The following PLEKHH2 variants were observed in gnomAD, a reference collection of about 807,000 sequenced individuals.
The protein encoded by PLEKHH2 is pleckstrin homology domain-containing family H member 2.
A neutral mutation model predicts 187.9 loss-of-function variants in PLEKHH2; 129 were observed. The observed-to-expected ratio is 0.69, with a 90% CI of 0.59 to 0.79. PLEKHH2 has a LOEUF of 0.79. Among genes scored for constraint, PLEKHH2 ranks in the 30% least tolerant of loss-of-function variants. The probability of loss-of-function intolerance (pLI) is 0.00; values close to 1 mark genes in which losing one functional copy is unlikely to be tolerated. For synonymous variants in PLEKHH2, 686 were observed against 605.6 expected, an observed-to-expected ratio of 1.13 and a Z score of -1.95; for missense variants, 2,076 against 1,751.2, an observed-to-expected ratio of 1.19 and a Z score of -3.31.
chr2:43,671,454 T>C (rs200827120), intron 2 of PLEKHH2, among the ~76,000 whole-genome samples: 1 of 152,216 alleles, frequency 6.6e-6, no homozygotes, highest in Non-Finnish European at 1.5e-5. Context: ...CTTTCCAGTA[T>C]ATATGCTTTT....
chr2:43,637,357 G>A lies in PLEKHH2; in HGVS notation c.-26G>A, dbSNP rs991909312. On this transcript the variant is annotated 5_prime_UTR_variant, in exon 1 of 30. Transcript: ENST00000282406. ...CCGGGACATCGGGCGCTGCGGCCGG[G>A]GACCCGCTGCTGAGATAGACAGGTG... 2.0e-5 allele frequency: 3 copies of A among 152,424 alleles called. No individual in the cohort carries two copies. Among genetic ancestry groups the A allele is most frequent in the Non-Finnish European group, 2.9e-5 (2 of 68,204 alleles). The allele number at this position is 152,424 out of a possible 1,614,324, so 9.4% of individuals were successfully genotyped here.
Position 43,699,754 on chromosome 2 carries a change from A to G in PLEKHH2, c.796A>G (p.Arg266Gly). 1.9e-6 allele frequency: 3 copies of G among 1,614,254 alleles called. No homozygotes were observed. Among genetic ancestry groups the G allele is most frequent in the Non-Finnish European group, 2.5e-6 (3 of 1,180,048 alleles). The change falls in exon 8 of 30, where the codon AGA becomes GGA. Residue 266 changes from arginine to glycine, a missense_variant. Physicochemically the swap from Arg to Gly is moderately radical, Grantham distance 125 (BLOSUM62 -2). Transcript: ENST00000282406. ...PCGSEQNRKT[R>G]TSFATDGGIS... is the part of the protein sequence containing the mutation. ...TGGCTCAGAACAGAATCGGAAAACAAGAACAAGCTTTGCCACAGATGGTGG... is the reference window on the plus strand; with the variant it reads ...TGGCTCAGAACAGAATCGGAAAACAGGAACAAGCTTTGCCACAGATGGTGG...
At chr2:43,757,778 TA>T (rs150827095) in intron 26 of PLEKHH2, among the ~76,000 whole-genome samples, 18,951 of 151,002 alleles carry the variant, frequency 0.13, 1,492 homozygotes, top group Non-Finnish European at 0.18. Flanking sequence ...TTTCTTTAAT[TA>T]AAAAAAAAGG....
chr2:43,733,171 G>T (rs537774440), intron 19 of PLEKHH2, among the ~76,000 whole-genome samples: 1 of 152,110 alleles, frequency 6.6e-6, no homozygotes, highest in South Asian at 2.1e-4. Flanking sequence ...GACCATCCTG[G>T]CTAACACCAT....
intron 2 of PLEKHH2, among the ~76,000 whole-genome samples, chr2:43,650,993 T>A (rs1487295165): frequency 6.6e-6 from 1 of 152,056 alleles, no homozygotes; most frequent in Non-Finnish European, 1.5e-5. Context: ...TTTAAAATAA[T>A]CTAAGTTTTA....
chr2:43,658,358 T>A (rs1365015918), intron 2 of PLEKHH2, among the ~76,000 whole-genome samples: 1 of 152,236 alleles, frequency 6.6e-6, no homozygotes, highest in Non-Finnish European at 1.5e-5. Flanking sequence ...GGGTTCAGAG[T>A]ATAGTTTACT....
At chr2:43,647,739 T>C (rs1666251460) in intron 2 of PLEKHH2, among the ~76,000 whole-genome samples, 1 of 152,164 alleles carries the variant, frequency 6.6e-6, no homozygotes, top group South Asian at 2.1e-4. Context: ...TTCTCCCTAA[T>C]AGTGCTCTAT....
chr2:43,740,564 A>G (rs1286865604), intron 20 of PLEKHH2, among the ~76,000 whole-genome samples: 2 of 152,210 alleles, frequency 1.3e-5, no homozygotes, highest in South Asian at 2.1e-4. Flanking sequence ...GATTTAGGGC[A>G]TGTGTTTTCT....
In PLEKHH2 at chr2:43,644,678, C is replaced by A; in HGVS notation, c.5C>A (p.Ala2Glu). M[A>E]ELSEPEGPVD... Reference sequence around the variant, plus strand: ...TTTATTTAATTTTTTTAGAATATGGCAGAGCTTTCTGAGCCAGAGGGACCA... The same window carrying A: ...TTTATTTAATTTTTTTAGAATATGGAAGAGCTTTCTGAGCCAGAGGGACCA... The change falls in exon 2 of 30, where the codon GCA (alanine) becomes GAA (glutamate). Residue 2 changes from alanine to glutamate, a missense_variant. Transcript: ENST00000282406. 6.3e-7 allele frequency: 1 copy of A among 1,579,142 alleles called. No individual in the cohort carries two copies. The highest frequency in any genetic ancestry group is 1.2e-5 in the South Asian group (1 of 85,004).
At position 43,647,790 on chromosome 2, in the gene PLEKHH2, C is replaced by G. The variant is rs1311420141; in HGVS notation, c.123+2994C>G. 2.0e-5 allele frequency among the ~76,000 whole-genome samples: 3 copies of G among 152,118 alleles called. No individual in the cohort carries two copies. In the East Asian group the frequency reaches 5.8e-4, roughly 29 times the overall value. On this transcript the variant is annotated intron_variant, in intron 2 of 29. Transcript: ENST00000282406. ...GGATGCAGGCCCAAGGGTGAAGATT[C>G]TTGAGAGAATACTAATTTGGTTCTT...
chr2:43,679,480 G>A, intron 3 of PLEKHH2: 2 of 345,812 alleles, frequency 5.8e-6, no homozygotes, highest in South Asian at 2.1e-5. Flanking sequence ...ACGGAATCAG[G>A]AATGATTTTT....
Position 43,738,401 on chromosome 2 carries a change from T to C in PLEKHH2, c.3004T>C (p.Leu1002=). Residue 1002 remains leucine (L), a synonymous_variant, in exon 20 of 30, where the codon TTA becomes CTA. Coordinates refer to ENST00000282406, the MANE Select transcript of PLEKHH2 (RefSeq NM_172069.4). The part of the protein sequence containing the change: ...DSPAIDYHIS[L]AQSALQICLT... ...TCCTGCAATTGATTACCACATATCT[T>C]TAGCCCAGAGTGCTTTGCAAATCTG... 3 of 1,614,088 alleles carry C rather than the reference T, an allele frequency of 1.9e-6. No homozygotes were observed. Among genetic ancestry groups the C allele is most frequent in the Non-Finnish European group, 2.5e-6 (3 of 1,179,946 alleles).
At chr2:43,656,130 T>C (rs552410892) in intron 2 of PLEKHH2, among the ~76,000 whole-genome samples, 21 of 152,256 alleles carry the variant, frequency 1.4e-4, no homozygotes, top group African/African-American at 5.1e-4. Context: ...GCTAATTTTG[T>C]ATTTTTGATA....
chr2:43,668,954 C>G (rs1667363043), intron 2 of PLEKHH2, among the ~76,000 whole-genome samples: 2 of 152,318 alleles, frequency 1.3e-5, no homozygotes, highest in South Asian at 2.1e-4. Flanking sequence ...AAGGTGGTAA[C>G]TGCTCTCTAA....
Position 43,759,055 on chromosome 2 carries a change from A to G in PLEKHH2, c.4071+26A>G, listed in dbSNP as rs181739564. On this transcript the variant is annotated intron_variant, in intron 27 of 29. Transcript: ENST00000282406. ...GTAAGAAAGAATGGGAGAGAGATGC[A>G]TAATGAAAACCTTTGTGTACATAGT... 7.3e-5 allele frequency: 117 copies of G among 1,602,338 alleles called. No individual in the cohort carries two copies. In the African/African-American group the frequency reaches 1.3e-3, roughly 18 times the overall value.
chr2:43,684,205 TC>T (rs1397488275), intron 3 of PLEKHH2, among the ~76,000 whole-genome samples: 2 of 151,952 alleles, frequency 1.3e-5, no homozygotes, highest in Non-Finnish European at 2.9e-5. Flanking sequence ...TCCCTTCTTT[TC>T]CCCTTCCTTT....
chr2:43,721,173 G>A (rs1366224489), intron 16 of PLEKHH2, among the ~76,000 whole-genome samples: 1 of 152,110 alleles, frequency 6.6e-6, no homozygotes, highest in Non-Finnish European at 1.5e-5. Flanking sequence ...CCATCCATCT[G>A]CCTGTTTATA....
Position 43,712,288 on chromosome 2 carries a change from A to C in PLEKHH2, c.2365A>C (p.Ile789Leu). 6.2e-7 allele frequency: 1 copy of C among 1,613,598 alleles called. No homozygotes were observed. Among genetic ancestry groups the C allele is most frequent in the Non-Finnish European group, 8.5e-7 (1 of 1,179,522 alleles). The change falls in exon 15 of 30, where the codon ATT (isoleucine) becomes CTT (leucine). Residue 789 changes from isoleucine (I) to leucine (L), a missense_variant. Physicochemically the swap from Ile to Leu is conservative, Grantham distance 5 (BLOSUM62 2). Transcript: ENST00000282406. The stretch of plus-strand genomic sequence containing the variant: ...TTCTCCCAATATATTGGAAGAGTGG[A>C]TTAAAGTGTTACAGAATGTTCTTCG... Reference protein sequence around the residue: ...ADSPNILEEWIKVLQNVLRVQ... With the variant: ...ADSPNILEEWLKVLQNVLRVQ...
In PLEKHH2 at chr2:43,699,745, C is replaced by A. The variant is rs149684926; in HGVS notation, c.787C>A (p.Arg263=). 201 of 1,614,174 alleles carry A rather than the reference C, an allele frequency of 1.2e-4. No homozygotes were observed. In the African/African-American group the frequency reaches 2.6e-3, roughly 21 times the overall value. Residue 263 remains arginine, a synonymous_variant, in exon 8 of 30, where the codon CGG becomes AGG. Coordinates refer to ENST00000282406, the MANE Select transcript of PLEKHH2 (RefSeq NM_172069.4). Reference sequence around the variant, plus strand: ...AACCCCTTGTGGCTCAGAACAGAATCGGAAAACAAGAACAAGCTTTGCCAC... The same window carrying A: ...AACCCCTTGTGGCTCAGAACAGAATAGGAAAACAAGAACAAGCTTTGCCAC... ...HQTPCGSEQN[R]KTRTSFATDG...
Sources: gnomAD v4.1 joint callset for allele counts (sites outside exome capture counted in the v4.1 genomes callset) on GRCh38, gnomAD v4.1.1 for gene constraint, MANE v1.5 for transcripts, NCBI Gene and HGNC (gene_info 2026-07-23, HGNC 2026-07-21) for gene names.